The following RBM12B variants were observed in gnomAD, a reference collection of about 807,000 sequenced individuals.
RBM12B encodes the protein RNA-binding protein 12B.
Under a neutral mutation model 34.3 loss-of-function variants are expected in RBM12B, and 10 were observed. The observed-to-expected ratio is 0.29, with a 90% CI of 0.18 to 0.49. The LOEUF is 0.49. RBM12B is among the 20% of genes least tolerant of loss of function. The probability of loss-of-function intolerance (pLI) is 0.99; values close to 1 mark genes in which losing one functional copy is unlikely to be tolerated. For missense variants in RBM12B, 1,139 were observed against 1,262.7 expected, an observed-to-expected ratio of 0.90 and a Z score of 1.48; for synonymous variants, 477 against 437.1, an observed-to-expected ratio of 1.09 and a Z score of -1.14.
At chr8:93,740,248 T>A in intron 2 of RBM12B, 1 of 453,358 alleles carries the variant, frequency 2.2e-6, no homozygotes, top group Non-Finnish European at 4.5e-6. Context: ...TGAAGACGAA[T>A]CCACATGGCA....
chr8:93,740,304 C>G, intron 2 of RBM12B: 1 of 457,174 alleles, frequency 2.2e-6, no homozygotes, highest in Non-Finnish European at 4.4e-6. Flanking sequence ...CCGAAGGCAT[C>G]GATTCTACAG....
chr8:93,734,074 G>A lies in RBM12B; in HGVS notation c.2337C>T (p.Phe779=), dbSNP rs1223782504. ...TGAAATGCTCCTGGGGCGGTCTCCG[G>A]AAGTGCTCCGGGGGCGGGCGCCTGA... ...EHFRRPPPEH[F]RRPPQEHFRR... The change falls in exon 4 of 4, where the codon TTC becomes TTT. Residue 779 remains phenylalanine (F), a synonymous_variant. Coordinates refer to ENST00000520560, the MANE Select transcript of RBM12B (RefSeq NM_001377960.1). 6.4e-7 allele frequency: 1 copy of A among 1,573,954 alleles called. No individual in the cohort carries two copies. The highest frequency in any genetic ancestry group is 8.6e-7 in the Non-Finnish European group (1 of 1,163,198).
In RBM12B at chr8:93,734,419, C is replaced by G. The variant is rs773399548; in HGVS notation, c.1992G>C (p.Glu664Asp). 1 of 1,613,600 alleles carries G rather than the reference C, an allele frequency of 6.2e-7. No individual in the cohort carries two copies. The highest frequency in any genetic ancestry group is 1.1e-5 in the South Asian group (1 of 91,050). Residue 664 changes from glutamate to aspartate, a missense_variant, in exon 4 of 4, where the codon GAG (glutamate) becomes GAC (aspartate). Physicochemically the swap from Glu to Asp is conservative, Grantham distance 45 (BLOSUM62 2). Around this residue, in one of 3 missense-constraint regions of RBM12B, gnomAD observed 863 missense variants for 869.5 expected, o/e 0.99. Coordinates refer to ENST00000520560, the MANE Select transcript of RBM12B (RefSeq NM_001377960.1). Reference protein sequence around the residue: ...PPEEDLRWLPEEDFRRPPEED... With the variant: ...PPEEDLRWLPDEDFRRPPEED... ...CCTCAGGTGGCCGCCTGAAATCTTC[C>G]TCTGGGAGCCACCTTAAGTCCTCCT...
At position 93,729,619 on chromosome 8, in the gene RBM12B, G is replaced by GAA. The variant is rs1388688860; in HGVS notation, c.*3784_*3785dup. 1 of 152,166 alleles carries GAA rather than the reference G, an allele frequency of 6.6e-6. No homozygotes were observed. Among genetic ancestry groups the GAA allele is most frequent in the Non-Finnish European group, 1.5e-5 (1 of 67,996 alleles). The allele number at this position is 152,166 out of a possible 1,614,324, so 9.4% of individuals were successfully genotyped here. A position where few individuals can be genotyped will look rare whatever the true frequency, so the allele number is the denominator to read the frequency against. ...TAAGAACAAAAGGAATACTATCCATGAAAATACTTTCATTAATGTAAAATT... is the reference window on the plus strand; with the variant it reads ...TAAGAACAAAAGGAATACTATCCATGAAAAAATACTTTCATTAATGTAAAATT... On this transcript the variant is annotated 3_prime_UTR_variant, in exon 4 of 4. Transcript: ENST00000520560.
intron 2 of RBM12B, chr8:93,740,332 C>T (rs1812160083): frequency 6.6e-6 from 3 of 457,358 alleles, no homozygotes; most frequent in South Asian, 1.5e-5. Context: ...CCTTTGTCCA[C>T]AACTCCCAGG....
chr8:93,736,003 A>G lies in RBM12B; in HGVS notation c.408T>C (p.Gly136=). 1 of 1,614,168 alleles carries G rather than the reference A, an allele frequency of 6.2e-7. No homozygotes were observed. Among genetic ancestry groups the G allele is most frequent in the Non-Finnish European group, 8.5e-7 (1 of 1,180,024 alleles). The change falls in exon 4 of 4, where the codon GGT becomes GGC. Residue 136 remains glycine (G), a synonymous_variant. Transcript: ENST00000520560. ...INQDAGFHTN[G]TGHGNLRPRK... Reference sequence around the variant, plus strand: ...TTGGCCTTAAATTACCATGTCCTGTACCATTAGTATGAAACCCAGCATCTT... The same window carrying G: ...TTGGCCTTAAATTACCATGTCCTGTGCCATTAGTATGAAACCCAGCATCTT...
rs769560540 is a variant in RBM12B, at chr8:93,734,361, T to C, written c.2050A>G (p.Arg684Gly). ...DWRRPPEEDF[R>G]RPLQGEWRRP... ...CTCCATTCTCCCTGAAGAGGCCGCC[T>C]AAAGTCCTCCTCTGGGGGCCGTCTC... The change falls in exon 4 of 4, where the codon AGG becomes GGG. Residue 684 changes from arginine to glycine, a missense_variant. Arg to Gly is a moderately radical substitution (Grantham distance 125, BLOSUM62 -2). Around this residue, in one of 3 missense-constraint regions of RBM12B, gnomAD observed 863 missense variants for 869.5 expected, o/e 0.99. Coordinates refer to ENST00000520560, the MANE Select transcript of RBM12B (RefSeq NM_001377960.1). 2 of 1,611,736 alleles carry C rather than the reference T, an allele frequency of 1.2e-6. No homozygotes were observed. The highest frequency in any genetic ancestry group is 2.2e-5 in the South Asian group (2 of 90,964).
In RBM12B at chr8:93,736,267, T is replaced by G. The variant is rs757132564; in HGVS notation, c.144A>C (p.Ala48=). 9.9e-6 allele frequency: 16 copies of G among 1,614,064 alleles called. No individual in the cohort carries two copies. The highest frequency in any genetic ancestry group is 2.7e-5 in the African/African-American group (2 of 74,922). ...TGGCACGTCTTGCATCTTCATCTGT[T>G]GCAAAAATAATAAAAGCCTCCCCAA... is the stretch of plus-strand genomic sequence containing the variant. ...GEIGEAFIIF[A]TDEDARRAIS... The change falls in exon 4 of 4, where the codon GCA becomes GCC. Residue 48 remains alanine (A), a synonymous_variant. Transcript: ENST00000520560.
chr8:93,740,075 T>C (rs1003906843), intron 2 of RBM12B: 5 of 346,310 alleles, frequency 1.4e-5, no homozygotes, highest in African/African-American at 8.6e-5. Flanking sequence ...AAGGTCATGA[T>C]GTAGCATATT....
chr8:93,735,327 G>C lies in RBM12B; in HGVS notation c.1084C>G (p.Gln362Glu). The change falls in exon 4 of 4, where the codon CAA becomes GAA. Residue 362 changes from glutamine to glutamate, a missense_variant. By Grantham distance (29) the Gln-to-Glu change is conservative (BLOSUM62 2). Coordinates refer to ENST00000520560, the MANE Select transcript of RBM12B (RefSeq NM_001377960.1). ...TAACGTGCAATGAACTTCAGCATTTGTTTTCTAGAAATTGGATCAATATGA... is the reference window on the plus strand; with the variant it reads ...TAACGTGCAATGAACTTCAGCATTTCTTTTCTAGAAATTGGATCAATATGA... ...PVHIDPISRK[Q>E]MLKFIARYEK... The C allele has an allele frequency of 6.2e-7, 1 of 1,613,856 alleles. No individual in the cohort carries two copies. Among genetic ancestry groups the C allele is most frequent in the Non-Finnish European group, 8.5e-7 (1 of 1,179,994 alleles).
chr8:93,733,634 G>C lies in RBM12B; in HGVS notation c.2777C>G (p.Pro926Arg). The change falls in exon 4 of 4, where the codon CCT (proline) becomes CGT (arginine). Residue 926 changes from proline (P) to arginine (R), a missense_variant. This residue lies in a region of RBM12B where 60 missense variants were observed against 101.0 expected (regional missense o/e 0.59). Transcript: ENST00000520560. ...AAATGGAAGATTCATTATCTTAATAGGAGTTACTCTACCTGAACCACAATT... is the reference window on the plus strand; with the variant it reads ...AAATGGAAGATTCATTATCTTAATACGAGTTACTCTACCTGAACCACAATT... Reference protein sequence around the residue: ...KINCGSGRVTPIKIMNLPFKA... With the variant: ...KINCGSGRVTRIKIMNLPFKA... The C allele has an allele frequency of 6.2e-7, 1 of 1,614,038 alleles. No homozygotes were observed. The highest frequency in any genetic ancestry group is 8.5e-7 in the Non-Finnish European group (1 of 1,180,020).
rs55857954 is a variant in RBM12B, at chr8:93,728,251, A to G, written c.*5154T>C. On this transcript the variant is annotated 3_prime_UTR_variant, in exon 4 of 4. Transcript: ENST00000520560. ...AAGGATCAACAAGCAGAAGATGATG[A>G]GGATGACGAGTTAGATGTTACAGAA... is the stretch of plus-strand genomic sequence containing the variant. 1 of 1,599,410 alleles carries G rather than the reference A, an allele frequency of 6.3e-7. No homozygotes were observed. Among genetic ancestry groups the G allele is most frequent in the South Asian group, 1.1e-5 (1 of 87,838 alleles).
rs775834600 is a variant in RBM12B at position 93,735,329 on chromosome 8, T to C, written c.1082A>G (p.Lys361Arg). 2 of 1,614,032 alleles carry C rather than the reference T, an allele frequency of 1.2e-6. No individual in the cohort carries two copies. The highest frequency in any genetic ancestry group is 1.7e-6 in the Non-Finnish European group (2 of 1,180,026). ...RPVHIDPISR[K>R]QMLKFIARYE... ...ACGTGCAATGAACTTCAGCATTTGT[T>C]TTCTAGAAATTGGATCAATATGAAC... Residue 361 changes from lysine (K) to arginine (R), a missense_variant, in exon 4 of 4, where the codon AAA (lysine) becomes AGA (arginine). This residue lies in a region of RBM12B where 863 missense variants were observed against 869.5 expected (regional missense o/e 0.99). Transcript: ENST00000520560.
chr8:93,736,169 T>C lies in RBM12B; in HGVS notation c.242A>G (p.Lys81Arg). The change falls in exon 4 of 4, where the codon AAG becomes AGG. Residue 81 changes from lysine to arginine, a missense_variant. Lys to Arg is a conservative substitution (Grantham distance 26, BLOSUM62 2). This residue lies in a region of RBM12B where 216 missense variants were observed against 292.2 expected (regional missense o/e 0.74). Coordinates refer to ENST00000520560, the MANE Select transcript of RBM12B (RefSeq NM_001377960.1). Reference sequence around the variant, plus strand: ...ATCAGTTCTTTTCATTTCTATAGTCTTCTGCATTTCTGCCTTGCTACTAAG... The same window carrying C: ...ATCAGTTCTTTTCATTTCTATAGTCCTCTGCATTTCTGCCTTGCTACTAAG... ...LFLSSKAEMQKTIEMKRTDRV... is the reference protein window; with the variant it reads ...LFLSSKAEMQRTIEMKRTDRV... The C allele has an allele frequency of 6.2e-7, 1 of 1,614,192 alleles. No individual in the cohort carries two copies. The highest frequency in any genetic ancestry group is 8.5e-7 in the Non-Finnish European group (1 of 1,180,024).
chr8:93,734,987 A>G lies in RBM12B; in HGVS notation c.1424T>C (p.Ile475Thr), dbSNP rs749274384. Residue 475 changes from isoleucine to threonine, a missense_variant, in exon 4 of 4, where the codon ATA (isoleucine) becomes ACA (threonine). Coordinates refer to ENST00000520560, the MANE Select transcript of RBM12B (RefSeq NM_001377960.1). ...FLGTEVLLRL[I>T]SEAQIQEFGV... ...AAACTCCTGTATTTGTGCCTCAGAT[A>G]TAAGTCTTAATAACACCTCTGTCCC... 12 of 1,614,032 alleles carry G rather than the reference A, an allele frequency of 7.4e-6. No homozygotes were observed. Among genetic ancestry groups the G allele is most frequent in the Middle Eastern group, 1.6e-4 (1 of 6,084 alleles).
At position 93,733,669 on chromosome 8, in the gene RBM12B, A is replaced by T. The variant is rs751762234; in HGVS notation, c.2742T>A (p.Asp914Glu). Residue 914 changes from aspartate to glutamate, a missense_variant, in exon 4 of 4, where the codon GAT (aspartate) becomes GAA (glutamate). Physicochemically the swap from Asp to Glu is conservative, Grantham distance 45. Around this residue, in one of 3 missense-constraint regions of RBM12B, gnomAD observed 863 missense variants for 869.5 expected, o/e 0.99. Transcript: ENST00000520560. The part of the protein sequence containing the change: ...GSFPEGRFMP[D>E]PKINCGSGRV... ...TACCTGAACCACAATTTATTTTTGG[A>T]TCAGGCATAAATCTCCCCTCAGGAA... 1.2e-6 allele frequency: 2 copies of T among 1,614,014 alleles called. No individual in the cohort carries two copies. Among genetic ancestry groups the T allele is most frequent in the Non-Finnish European group, 8.5e-7 (1 of 1,180,026 alleles).
rs765206627 is a variant in RBM12B, at chr8:93,733,988, T to G, written c.2423A>C (p.Asp808Ala). 1 of 1,612,896 alleles carries G rather than the reference T, an allele frequency of 6.2e-7. No homozygotes were observed. Among genetic ancestry groups the G allele is most frequent in the Non-Finnish European group, 8.5e-7 (1 of 1,179,694 alleles). Reference protein sequence around the residue: ...SREEDFRHPPDEDFRGPPDED... With the variant: ...SREEDFRHPPAEDFRGPPDED... ...ATCAGGAGGGCCCCTGAAGTCTTCA[T>G]CTGGTGGGTGCCTGAAATCTTCCTC... Residue 808 changes from aspartate to alanine, a missense_variant, in exon 4 of 4, where the codon GAT (aspartate) becomes GCT (alanine). Asp to Ala is a moderately radical substitution (Grantham distance 126). Around this residue, in one of 3 missense-constraint regions of RBM12B, gnomAD observed 863 missense variants for 869.5 expected, o/e 0.99. Coordinates refer to ENST00000520560, the MANE Select transcript of RBM12B (RefSeq NM_001377960.1).
chr8:93,728,808 GT>G lies in RBM12B; in HGVS notation c.*4596del, dbSNP rs893439568. On this transcript the variant is annotated 3_prime_UTR_variant, in exon 4 of 4. Transcript: ENST00000520560. ...TTTTCAAGAAGAGTATAACCAAAGA[GT>G]AAAGATAATGTGACACTAAGTTATC... The G allele has an allele frequency of 1.3e-5, 2 of 151,998 alleles. No individual in the cohort carries two copies. Among genetic ancestry groups the G allele is most frequent in the African/African-American group, 4.8e-5 (2 of 41,420 alleles). 9.4% of individuals were successfully genotyped at this position (151,998 alleles called of 1,614,324 possible).
intron 2 of RBM12B, among the ~76,000 whole-genome samples, chr8:93,738,167 T>C (rs1434809998): frequency 1.3e-5 from 2 of 152,172 alleles, no homozygotes; most frequent in African/African-American, 2.4e-5. Flanking sequence ...ACCACTCCTA[T>C]TGCAAAAATA....
Sources: allele counts gnomAD v4.1 joint callset (sites outside exome capture counted in the v4.1 genomes callset), GRCh38; gene constraint gnomAD v4.1.1; regional missense constraint gnomAD v4.1.1; transcripts MANE v1.5; gene names NCBI Gene and HGNC (gene_info 2026-07-23, HGNC 2026-07-21).